TOX: variants seen among roughly 807,000 people sequenced by gnomAD.
The protein encoded by TOX is thymocyte selection associated high mobility group box.
A neutral mutation model predicts 53.7 loss-of-function variants in TOX; 11 were observed. The ratio of observed to expected loss-of-function variants is 0.20; its 90% confidence interval spans 0.13 to 0.34. The LOEUF (loss-of-function observed/expected upper bound fraction) is 0.34. Among genes scored for constraint, TOX ranks in the 10% least tolerant of loss-of-function variants. TOX has a pLI of 1.00. For synonymous variants in TOX, 225 were observed against 245.3 expected (o/e 0.92, Z 0.77); for missense variants, 570 against 664.6 (o/e 0.86, Z 1.56).
At position 58,815,701 on chromosome 8, in the gene TOX, C is replaced by T; in HGVS notation, c.1029G>A (p.Val343=). ...TCAGCTGAGGAGGTTGAGATGTCTT[C>T]ACGTCAACAGGTTCACTGTAGCTCT... The part of the protein sequence containing the change: ...VSKSYSEPVD[V]KTSQPPQLIN... The change falls in exon 7 of 9, where the codon GTG becomes GTA. Residue 343 remains valine, a synonymous_variant. Coordinates refer to ENST00000361421, the MANE Select transcript of TOX (RefSeq NM_014729.3). 1.2e-6 allele frequency: 2 copies of T among 1,612,698 alleles called. No individual in the cohort carries two copies. The highest frequency in any genetic ancestry group is 1.7e-6 in the Non-Finnish European group (2 of 1,179,270).
chr8:59,081,294 T>C (rs1804402732), intron 1 of TOX, among the ~76,000 whole-genome samples: 1 of 152,142 alleles, frequency 6.6e-6, no homozygotes, highest in African/African-American at 2.4e-5. Context: ...CCCAAAGTGC[T>C]GGGATTACAG....
intron 6 of TOX, among the ~76,000 whole-genome samples, chr8:58,821,948 G>A (rs1173828626): frequency 6.6e-6 from 1 of 152,104 alleles, no homozygotes; most frequent in African/African-American, 2.4e-5. Flanking sequence ...AGACTCCTCA[G>A]TCTGAGGACT....
In TOX at chr8:58,823,030, G is replaced by A. The variant is rs114997905; in HGVS notation, c.1005+3792C>T. ...AAGCTACTCTGTAGACGGATGCCAT[G>A]TATATTTTTGTTACTATTGGAAACA... On this transcript the variant is annotated intron_variant, in intron 6 of 8. Transcript: ENST00000361421. Among the ~76,000 whole-genome samples, 565 of 152,310 alleles carry A rather than the reference G, an allele frequency of 3.7e-3. 6 individuals are homozygous for A. The highest frequency in any genetic ancestry group is 0.013 in the African/African-American group (539 of 41,568).
At chr8:59,107,766 C>A (rs1421324965) in intron 1 of TOX, among the ~76,000 whole-genome samples, 1 of 152,094 alleles carries the variant, frequency 6.6e-6, no homozygotes, top group Non-Finnish European at 1.5e-5. Context: ...ATTCTAAATT[C>A]CATATGAACG....
At chr8:58,883,241 C>T (rs557479019) in intron 3 of TOX, among the ~76,000 whole-genome samples, 1 of 152,314 alleles carries the variant, frequency 6.6e-6, no homozygotes, top group East Asian at 1.9e-4. Context: ...TCACTATCAC[C>T]AGCAGGCTGT....
intron 1 of TOX, among the ~76,000 whole-genome samples, chr8:58,961,535 T>G (rs1030173230): frequency 3.2e-4 from 48 of 151,586 alleles, no homozygotes; most frequent in African/African-American, 1.2e-3. Flanking sequence ...GTGAACTCTT[T>G]TTTTTTTTTT....
At chr8:59,044,928 T>A (rs1803657823) in intron 1 of TOX, among the ~76,000 whole-genome samples, 1 of 152,264 alleles carries the variant, frequency 6.6e-6, no homozygotes, top group Admixed American at 6.5e-5. Flanking sequence ...TTTCAAAAAT[T>A]CATTTTGAAT....
chr8:58,955,618 T>A (rs191499677), intron 2 of TOX, among the ~76,000 whole-genome samples: 1 of 152,210 alleles, frequency 6.6e-6, no homozygotes, highest in East Asian at 1.9e-4. Context: ...AGTCCTTCTT[T>A]ATCTTTTCAT....
At chr8:59,080,596 G>A (rs1804389907) in intron 1 of TOX, among the ~76,000 whole-genome samples, 1 of 152,194 alleles carries the variant, frequency 6.6e-6, no homozygotes, top group African/African-American at 2.4e-5. Context: ...ATGTTGAATT[G>A]TAATCTCCAA....
rs1173710545 is a variant in TOX, at chr8:58,873,958, C to CTTTTTTTTTTTTTTTTTTTTT, written c.412-22174_412-22154dup. Among the ~76,000 whole-genome samples the CTTTTTTTTTTTTTTTTTTTTT allele has an allele frequency of 1.4e-3, 55 of 40,138 alleles. 17 individuals are homozygous for CTTTTTTTTTTTTTTTTTTTTT. Among genetic ancestry groups the CTTTTTTTTTTTTTTTTTTTTT allele is most frequent in the African/African-American group, 4.8e-3 (28 of 5,794 alleles). 26.3% of individuals were successfully genotyped at this position (40,138 alleles called of 152,430 possible). A position where few individuals can be genotyped will look rare whatever the true frequency, so the allele number is the denominator to read the frequency against. On this transcript the variant is annotated intron_variant, in intron 3 of 8. Transcript: ENST00000361421. ...AATACACATCCTGAATGCCAGGAAG[C>CTTTTTTTTTTTTTTTTTTTTT]TTTTTTTTTTTTTTTTTTTTTTTTT... is the stretch of plus-strand genomic sequence containing the variant.
Position 58,815,703 on chromosome 8 carries a change from C to G in TOX, c.1027G>C (p.Val343Leu), listed in dbSNP as rs374396949. 5 of 1,612,260 alleles carry G rather than the reference C, an allele frequency of 3.1e-6. No homozygotes were observed. The Admixed American group carries it at 6.7e-5, about 22-fold the overall frequency. ...VSKSYSEPVD[V>L]KTSQPPQLIN... ...AGCTGAGGAGGTTGAGATGTCTTCA[C>G]GTCAACAGGTTCACTGTAGCTCTGT... The change falls in exon 7 of 9, where the codon GTG becomes CTG. Residue 343 changes from valine (V) to leucine (L), a missense_variant. Val to Leu is a conservative substitution (Grantham distance 32). Coordinates refer to ENST00000361421, the MANE Select transcript of TOX (RefSeq NM_014729.3).
chr8:59,104,955 G>C (rs1197004293), intron 1 of TOX, among the ~76,000 whole-genome samples: 1 of 152,028 alleles, frequency 6.6e-6, no homozygotes, highest in African/African-American at 2.4e-5. Context: ...TAGCCATATG[G>C]AGGGAGGGTT....
chr8:58,929,040 G>T (rs967283895), intron 3 of TOX, among the ~76,000 whole-genome samples: 3 of 151,858 alleles, frequency 2.0e-5, no homozygotes, highest in Non-Finnish European at 4.4e-5. Context: ...ATTTTGAGAG[G>T]GTTTTTGCCT....
chr8:59,045,090 C>A (rs1034186645), intron 1 of TOX, among the ~76,000 whole-genome samples: 1 of 152,156 alleles, frequency 6.6e-6, no homozygotes, highest in Non-Finnish European at 1.5e-5. Context: ...TATTTTCCAG[C>A]CTTTCTTGGG....
intron 1 of TOX, among the ~76,000 whole-genome samples, chr8:59,059,158 G>A (rs572630694): frequency 6.6e-6 from 1 of 152,308 alleles, no homozygotes; most frequent in South Asian, 2.1e-4. Flanking sequence ...CCTAACTAGT[G>A]AAGTAAGAGC....
At chr8:59,072,316 C>T (rs906874553) in intron 1 of TOX, among the ~76,000 whole-genome samples, 18 of 152,060 alleles carry the variant, frequency 1.2e-4, no homozygotes, top group South Asian at 2.1e-4. Flanking sequence ...AAAATCTTTC[C>T]GCAATAAAGT....
chr8:58,807,640 A>G lies in TOX; in HGVS notation c.*107T>C. On this transcript the variant is annotated 3_prime_UTR_variant, in exon 9 of 9. Transcript: ENST00000361421. ...GCTCAAATGGTCCTAAGTGCTTAGC[A>G]ACTTGTATTTTCTAATAAAATGGAG... 1.5e-6 allele frequency: 2 copies of G among 1,332,468 alleles called. No individual in the cohort carries two copies. Among genetic ancestry groups the G allele is most frequent in the Non-Finnish European group, 2.1e-6 (2 of 940,418 alleles). The allele number at this position is 1,332,468 out of a possible 1,614,324, so 82.5% of individuals were successfully genotyped here.
chr8:59,029,071 C>T (rs1198899942), intron 1 of TOX, among the ~76,000 whole-genome samples: 1 of 152,200 alleles, frequency 6.6e-6, no homozygotes, highest in East Asian at 1.9e-4. Context: ...TACTTTCCCT[C>T]GGAGGAAATC....
intron 1 of TOX, among the ~76,000 whole-genome samples, chr8:59,003,541 G>T (rs536463792): frequency 1.3e-5 from 2 of 152,138 alleles, no homozygotes; most frequent in East Asian, 3.9e-4. Context: ...TTTCAACAGT[G>T]AAAGACGGGG....
Sources: gnomAD v4.1 joint callset for allele counts (sites outside exome capture counted in the v4.1 genomes callset) on GRCh38, gnomAD v4.1.1 for gene constraint, MANE v1.5 for transcripts, NCBI Gene and HGNC (gene_info 2026-07-23, HGNC 2026-07-21) for gene names.